PATJ: variants seen among roughly 807,000 people sequenced by gnomAD.
The protein encoded by PATJ is PATJ crumbs cell polarity complex component.
A neutral mutation model predicts 224.9 loss-of-function variants in PATJ; 190 were observed. The observed-to-expected ratio is 0.84, with a 90% confidence interval of 0.75 to 0.95. PATJ has a LOEUF of 0.95. Among genes scored for constraint, PATJ ranks in the 40% least tolerant of loss-of-function variants. The pLI is 0.00. For synonymous variants in PATJ, 769 were observed against 820.3 expected (o/e 0.94, Z 1.07); for missense variants, 2,121 against 2,270.3 (o/e 0.93, Z 1.34).
intron 22 of PATJ, among the ~76,000 whole-genome samples, chr1:61,894,256 T>TAAAAA (rs1336438194): frequency 8.1e-6 from 1 of 123,122 alleles, no homozygotes; most frequent in Non-Finnish European, 1.7e-5. Flanking sequence ...CTCTATCTCA[T>TAAAAA]AAAAAAAAAA....
chr1:61,959,432 TTC>T (rs1200051908), intron 27 of PATJ, among the ~76,000 whole-genome samples: 3,460 of 117,992 alleles, frequency 0.029, 74 homozygotes, highest in South Asian at 0.066. Context: ...TATATTTTTT[TTC>T]TTTTCTTTTT....
At chr1:62,124,084 T>C (rs1372950288) in intron 39 of PATJ, among the ~76,000 whole-genome samples, 1 of 151,860 alleles carries the variant, frequency 6.6e-6, no homozygotes, top group Admixed American at 6.6e-5. Context: ...ACTCTTTTTT[T>C]CTTTTTCTTT....
At chr1:62,085,411 A>G (rs1278049793) in intron 33 of PATJ, among the ~76,000 whole-genome samples, 1 of 152,018 alleles carries the variant, frequency 6.6e-6, no homozygotes, top group Non-Finnish European at 1.5e-5. Context: ...GATGTTGAAT[A>G]TTTTTATAAA....
chr1:61,786,991 A>C (rs1648689167), intron 7 of PATJ, among the ~76,000 whole-genome samples: 1 of 151,810 alleles, frequency 6.6e-6, no homozygotes, highest in African/African-American at 2.4e-5. Flanking sequence ...GACTCAAAAC[A>C]AAACAAAACA....
intron 31 of PATJ, among the ~76,000 whole-genome samples, chr1:62,068,548 A>C (rs1331136267): frequency 6.6e-6 from 1 of 152,158 alleles, no homozygotes; most frequent in Non-Finnish European, 1.5e-5. Flanking sequence ...TACTTTGGAA[A>C]ATCCGTAGAA....
intron 12 of PATJ, among the ~76,000 whole-genome samples, chr1:61,803,715 TA>T (rs1430345731): frequency 6.6e-6 from 1 of 152,230 alleles, no homozygotes; most frequent in Non-Finnish European, 1.5e-5. Flanking sequence ...AGAAATATTT[TA>T]TGTGTGCTTT....
chr1:62,022,347 C>T (rs376893888), intron 29 of PATJ, among the ~76,000 whole-genome samples: 36 of 152,250 alleles, frequency 2.4e-4, no homozygotes, highest in African/African-American at 7.2e-4. Flanking sequence ...TTTTGCTTTT[C>T]GCATCATTAG....
intron 41 of PATJ, among the ~76,000 whole-genome samples, chr1:62,131,596 C>T (rs1023986414): frequency 4.6e-5 from 7 of 151,648 alleles, no homozygotes; most frequent in Non-Finnish European, 1.0e-4. Context: ...TGCAATGAGC[C>T]AAGATCACCC....
At chr1:62,067,194 T>C (rs1026958771) in intron 31 of PATJ, among the ~76,000 whole-genome samples, 5 of 149,054 alleles carry the variant, frequency 3.4e-5, no homozygotes, top group Non-Finnish European at 7.4e-5. Context: ...TGGTGCAATC[T>C]TGGCTCACTG....
rs142273914 is a variant in PATJ at position 61,952,218 on chromosome 1, T to A, written c.3670+24389T>A. On this transcript the variant is annotated intron_variant, in intron 27 of 43. Coordinates refer to ENST00000642238, the MANE Select transcript of PATJ (RefSeq NM_001350145.3). ...AATTGATTGCTTTTCCTGATATAAA[T>A]AGATTGACAGGTTGCCCTTAAAGAG... The A allele has an allele frequency of 7.5e-5, 38 of 506,274 alleles. No individual in the cohort carries two copies. In the African/African-American group the frequency reaches 7.9e-4, roughly 11 times the overall value. 31.4% of individuals were successfully genotyped at this position (506,274 alleles called of 1,614,324 possible).
intron 43 of PATJ, among the ~76,000 whole-genome samples, chr1:62,155,715 A>G (rs112171281): frequency 6.6e-6 from 1 of 151,532 alleles, no homozygotes; most frequent in African/African-American, 2.4e-5. Context: ...AAAAAGACAA[A>G]TTTCTAAGCC....
In PATJ at chr1:61,927,825, C is replaced by A. The variant is rs746763628; in HGVS notation, c.3666C>A (p.Thr1222=). The change falls in exon 27 of 44, where the codon ACC becomes ACA. Residue 1222 remains threonine, a synonymous_variant. Coordinates refer to ENST00000642238, the MANE Select transcript of PATJ (RefSeq NM_001350145.3). ...AAAATGAAGAAGAAGATGCCTTTAC[C>A]GACCGTGAGTGCCTTTTCACTATTT... The part of the protein sequence containing the change: ...SDENEEEDAF[T]DQKIRQRYAD... The A allele has an allele frequency of 5.0e-6, 8 of 1,606,600 alleles. No homozygotes were observed. Among genetic ancestry groups the A allele is most frequent in the Non-Finnish European group, 6.8e-6 (8 of 1,174,208 alleles).
At chr1:61,912,671 AGGGAG>A (rs1183156228) in intron 25 of PATJ, among the ~76,000 whole-genome samples, 1 of 62,634 alleles carries the variant, frequency 1.6e-5, no homozygotes, top group Non-Finnish European at 3.0e-5. Flanking sequence ...GAAGGGAGGG[AGGGAG>A]GGGAGGGGAG....
chr1:61,751,541 A>G (rs368734371), intron 1 of PATJ, among the ~76,000 whole-genome samples: 5 of 151,942 alleles, frequency 3.3e-5, no homozygotes, highest in East Asian at 1.9e-4. Flanking sequence ...GAAGCCTACC[A>G]TAGACTGGGT....
At chr1:61,995,496 G>A (rs933430435) in intron 28 of PATJ, among the ~76,000 whole-genome samples, 3 of 152,116 alleles carry the variant, frequency 2.0e-5, no homozygotes, top group Admixed American at 6.5e-5. Flanking sequence ...CAGAAACTCA[G>A]CTTCTCTTTG....
At chr1:61,862,267 G>C (rs888337251) in intron 19 of PATJ, among the ~76,000 whole-genome samples, 1 of 151,598 alleles carries the variant, frequency 6.6e-6, no homozygotes, top group African/African-American at 2.4e-5. Context: ...TGTGATCTCG[G>C]CTCACTGCAA....
At chr1:61,807,766 T>C (rs936742710) in intron 13 of PATJ, among the ~76,000 whole-genome samples, 1 of 152,222 alleles carries the variant, frequency 6.6e-6, no homozygotes, top group Non-Finnish European at 1.5e-5. Context: ...GAAGCTGTAG[T>C]TGGGTCATTG....
intron 1 of PATJ, among the ~76,000 whole-genome samples, chr1:61,748,460 T>G (rs1645145983): frequency 6.6e-6 from 1 of 150,662 alleles, no homozygotes; most frequent in East Asian, 2.0e-4. Flanking sequence ...TTCACCATGT[T>G]GGCCAGGCTG....
chr1:61,965,265 A>G (rs1681964218), intron 27 of PATJ, among the ~76,000 whole-genome samples: 1 of 151,888 alleles, frequency 6.6e-6, no homozygotes, highest in Admixed American at 6.6e-5. Flanking sequence ...TCTTAAGGAC[A>G]CATGGCTAAT....
Sources: gnomAD v4.1 joint callset for allele counts (sites outside exome capture counted in the v4.1 genomes callset) on GRCh38, gnomAD v4.1.1 for gene constraint, MANE v1.5 for transcripts, NCBI Gene and HGNC (gene_info 2026-07-23, HGNC 2026-07-21) for gene names.